DVL1: variants seen among roughly 807,000 people sequenced by gnomAD.
The protein encoded by DVL1 is dishevelled segment polarity protein 1.
A neutral mutation model predicts 65.0 loss-of-function variants in DVL1; 49 were observed. The observed-to-expected ratio is 0.75, with a 90% confidence interval of 0.60 to 0.96. The LOEUF is 0.96. Among genes scored for constraint, DVL1 ranks in the 40% least tolerant of loss-of-function variants. The pLI is 0.00. For synonymous variants in DVL1, 608 were observed against 433.9 expected (o/e 1.40, Z -4.99); for missense variants, 1,197 against 1,045.4 (o/e 1.15, Z -2.00).
Position 1,339,403 on chromosome 1 carries a change from A to C in DVL1, c.1091T>G (p.Leu364Arg), listed in dbSNP as rs749293898. ...PVRPIDPAAW[L>R]SHTAALTGAL... is the part of the protein sequence containing the mutation. ...TCCTGTCAGTGCCGCCGTGTGGGAC[A>C]GCCAGGCGGCGGGGTCGATGGGCCG... The change falls in exon 11 of 15, where the codon CTG becomes CGG. Residue 364 changes from leucine to arginine, a missense_variant. Coordinates refer to ENST00000378888, the MANE Select transcript of DVL1 (RefSeq NM_001330311.2). 6 of 1,548,572 alleles carry C rather than the reference A, an allele frequency of 3.9e-6. No homozygotes were observed. Among genetic ancestry groups the C allele is most frequent in the Non-Finnish European group, 5.2e-6 (6 of 1,146,490 alleles).
chr1:1,339,032 G>T (rs1193493438), intron 11 of DVL1, among the ~76,000 whole-genome samples: 1 of 152,188 alleles, frequency 6.6e-6, no homozygotes, highest in Non-Finnish European at 1.5e-5. Flanking sequence ...CCTGGCCCCT[G>T]CCTCTGACGC....
Position 1,340,399 on chromosome 1 carries a change from C to G in DVL1, c.699+11G>C, listed in dbSNP as rs189762251. On this transcript the variant is annotated intron_variant, in intron 6 of 14. Coordinates refer to ENST00000378888, the MANE Select transcript of DVL1 (RefSeq NM_001330311.2). Reference sequence around the variant, plus strand: ...CTCCCCAGCCCCGCCCTGCTCCACCCGGCTGCCTACCCGGTCCGCCTGCCG... The same window carrying G: ...CTCCCCAGCCCCGCCCTGCTCCACCGGGCTGCCTACCCGGTCCGCCTGCCG... The G allele has an allele frequency of 5.6e-6, 9 of 1,611,340 alleles. No individual in the cohort carries two copies. Among genetic ancestry groups the G allele is most frequent in the East Asian group, 2.2e-5 (1 of 44,756 alleles).
chr1:1,340,444 C>T lies in DVL1; in HGVS notation c.665G>A (p.Arg222Gln), dbSNP rs143283367. 375 of 1,612,046 alleles carry T rather than the reference C, an allele frequency of 2.3e-4. No homozygotes were observed. The highest frequency in any genetic ancestry group is 3.0e-4 in the Non-Finnish European group (358 of 1,179,362). The change falls in exon 6 of 15, where the codon CGG (arginine) becomes CAG (glutamine). Residue 222 changes from arginine (R) to glutamine (Q), a missense_variant. Arg to Gln is a conservative substitution (Grantham distance 43, BLOSUM62 1). Transcript: ENST00000378888. ...CTGCCGAAGGCGCTGCTTCCTCCGC[C>T]GGCGTTTGTGCTTCCGGATGAGTCT... Reference protein sequence around the residue: ...SSRLIRKHKRRRRKQRLRQAD... With the variant: ...SSRLIRKHKRQRRKQRLRQAD...
In DVL1 at chr1:1,342,355, G is replaced by A. The variant is rs140992194; in HGVS notation, c.362+8C>T. 8,014 of 1,569,592 alleles carry A rather than the reference G, an allele frequency of 5.1e-3. 333 individuals carry two copies. In the Admixed American group the frequency reaches 0.094, roughly 18 times the overall value. On this transcript the variant is annotated splice_region_variant and intron_variant, in intron 3 of 14. Transcript: ENST00000378888. Reference sequence around the variant, plus strand: ...GGTAGCAGGGCCCAGCGCCCACGGTGTCCTTACTGGAAGGAGGGGGGCCGG... The same window carrying A: ...GGTAGCAGGGCCCAGCGCCCACGGTATCCTTACTGGAAGGAGGGGGGCCGG...
intron 14 of DVL1, chr1:1,336,911 G>A (rs928118397): frequency 7.2e-6 from 6 of 832,378 alleles, no homozygotes; most frequent in African/African-American, 3.7e-5. Flanking sequence ...CCTGGCCGAC[G>A]GATGACTCAG....
chr1:1,341,811 G>A lies in DVL1; in HGVS notation c.467-6C>T. The A allele has an allele frequency of 6.4e-7, 1 of 1,572,218 alleles. No homozygotes were observed. The highest frequency in any genetic ancestry group is 8.7e-7 in the Non-Finnish European group (1 of 1,153,936). ...GTGCCCATTGGTCCGGGCGGCTGTG[G>A]GGGCAGCAGGTTGGGAACTGACTGC... On this transcript the variant is annotated splice_polypyrimidine_tract_variant and splice_region_variant and intron_variant, in intron 4 of 14. Coordinates refer to ENST00000378888, the MANE Select transcript of DVL1 (RefSeq NM_001330311.2).
chr1:1,336,113 T>A lies in DVL1; in HGVS notation c.*29A>T. On this transcript the variant is annotated 3_prime_UTR_variant, in exon 15 of 15. Coordinates refer to ENST00000378888, the MANE Select transcript of DVL1 (RefSeq NM_001330311.2). Reference sequence around the variant, plus strand: ...GCGGCAGGACCGCCAGCTCCCCACCTCAGGCAGGGCTGGGGCATGCGCCAC... The same window carrying A: ...GCGGCAGGACCGCCAGCTCCCCACCACAGGCAGGGCTGGGGCATGCGCCAC... 1 of 1,563,970 alleles carries A rather than the reference T, an allele frequency of 6.4e-7. No individual in the cohort carries two copies. Among genetic ancestry groups the A allele is most frequent in the Non-Finnish European group, 8.6e-7 (1 of 1,161,886 alleles).
At position 1,340,399 on chromosome 1, in the gene DVL1, C is replaced by A. The variant is rs189762251; in HGVS notation, c.699+11G>T. On this transcript the variant is annotated intron_variant, in intron 6 of 14. Transcript: ENST00000378888. ...CTCCCCAGCCCCGCCCTGCTCCACCCGGCTGCCTACCCGGTCCGCCTGCCG... is the reference window on the plus strand; with the variant it reads ...CTCCCCAGCCCCGCCCTGCTCCACCAGGCTGCCTACCCGGTCCGCCTGCCG... The A allele has an allele frequency of 4.5e-3, 7,219 of 1,611,340 alleles. 31 individuals carry two copies. Among genetic ancestry groups the A allele is most frequent in the Non-Finnish European group, 5.7e-3 (6,688 of 1,179,194 alleles).
chr1:1,347,251 C>T (rs952493555), intron 1 of DVL1, among the ~76,000 whole-genome samples: 1 of 152,156 alleles, frequency 6.6e-6, no homozygotes, highest in African/African-American at 2.4e-5. Flanking sequence ...TGTAAGTCTG[C>T]AGCCTCCAAA....
In DVL1 at chr1:1,340,122, G is replaced by T; in HGVS notation, c.825C>A (p.Asp275Glu). 9 of 1,613,316 alleles carry T rather than the reference G, an allele frequency of 5.6e-6. No homozygotes were observed. Among genetic ancestry groups the T allele is most frequent in the Non-Finnish European group, 5.9e-6 (7 of 1,179,936 alleles). The change falls in exon 8 of 15, where the codon GAC becomes GAA. Residue 275 changes from aspartate to glutamate, a missense_variant. Physicochemically the swap from Asp to Glu is conservative, Grantham distance 45. Transcript: ENST00000378888. ...TGATGGAGCCAATGTAGATGCCGCC[G>T]TCTCCACGGTCGTTGCTCTGCCCCA... ...SIVGQSNDRG[D>E]GGIYIGSIMK...
rs769881531 is a variant in DVL1 at position 1,338,227 on chromosome 1, G to A, written c.1507+42C>T. 3.8e-6 allele frequency: 6 copies of A among 1,588,366 alleles called. No homozygotes were observed. The African/African-American group carries it at 4.0e-5, about 11-fold the overall frequency. ...TGAGGGCCGCGGAGGGGCCTCCGGCGTTCCCCTCCCCCCCGCCCTGAAGCC... is the reference window on the plus strand; with the variant it reads ...TGAGGGCCGCGGAGGGGCCTCCGGCATTCCCCTCCCCCCCGCCCTGAAGCC... On this transcript the variant is annotated intron_variant, in intron 13 of 14. Transcript: ENST00000378888.
chr1:1,338,229 T>TGCCCCC, intron 13 of DVL1, 40 bp downstream of exon 13: 14 of 1,522,274 alleles, frequency 9.2e-6, no homozygotes, highest in Non-Finnish European at 1.2e-5. Context: ...CCTCCGGCGT[T>TGCCCCC]CCCCTCCCCC....
intron 1 of DVL1, among the ~76,000 whole-genome samples, chr1:1,346,090 C>A (rs896353288): frequency 6.6e-6 from 1 of 152,168 alleles, no homozygotes; most frequent in African/African-American, 2.4e-5. Context: ...CACAGAGAGG[C>A]TGAGTCACAG....
chr1:1,348,108 C>T (rs1643947006), intron 1 of DVL1, among the ~76,000 whole-genome samples: 1 of 152,328 alleles, frequency 6.6e-6, no homozygotes, highest in Admixed American at 6.5e-5. Flanking sequence ...GGACTAGGGA[C>T]TCAGGTTACT....
chr1:1,338,674 C>A, intron 11 of DVL1, 21 bp from the exon 12 acceptor site: 1 of 1,602,074 alleles, frequency 6.2e-7, no homozygotes, highest in East Asian at 2.2e-5. Flanking sequence ...CAGACAGCCC[C>A]GCTTCAGCCC....
At position 1,340,133 on chromosome 1, in the gene DVL1, CGTT is replaced by C. The variant is rs770209968; in HGVS notation, c.811_813del (p.Asn271del). On this transcript the variant is annotated inframe_deletion, in exon 8 of 15. Coordinates refer to ENST00000378888, the MANE Select transcript of DVL1 (RefSeq NM_001330311.2). ...ATGTAGATGCCGCCGTCTCCACGGT[CGTT>C]GCTCTGCCCCACGATGCTGATGCCC... The C allele has an allele frequency of 6.2e-7, 1 of 1,613,604 alleles. No homozygotes were observed. The highest frequency in any genetic ancestry group is 8.5e-7 in the Non-Finnish European group (1 of 1,179,978).
At chr1:1,338,904 C>T (rs947260294) in intron 11 of DVL1, among the ~76,000 whole-genome samples, 1 of 152,208 alleles carries the variant, frequency 6.6e-6, no homozygotes, top group East Asian at 1.9e-4. Context: ...ACTGGGCTGA[C>T]ACCCCACCCT....
In DVL1 at chr1:1,336,300, G is replaced by A; in HGVS notation, c.1930C>T (p.Pro644Ser). The change falls in exon 15 of 15, where the codon CCC (proline) becomes TCC (serine). Residue 644 changes from proline to serine, a missense_variant. Transcript: ENST00000378888. ...GTATAGGCCTTGGTCGTGGGGTGGG[G>A]CGGGGGGAGCCCCGGGGCGGTAGCC... ...ASATAPGLPP[P>S]HPTTKAYTVV... 6.4e-7 allele frequency: 1 copy of A among 1,563,366 alleles called. No homozygotes were observed. Among genetic ancestry groups the A allele is most frequent in the East Asian group, 2.3e-5 (1 of 43,280 alleles).
At chr1:1,347,743 C>T (rs1487880778) in intron 1 of DVL1, among the ~76,000 whole-genome samples, 2 of 152,226 alleles carry the variant, frequency 1.3e-5, no homozygotes, top group African/African-American at 4.8e-5. Flanking sequence ...GAAAACAAAC[C>T]GCCCCCTCCT....
Sources: gnomAD v4.1 joint callset for allele counts (sites outside exome capture counted in the v4.1 genomes callset) on GRCh38, gnomAD v4.1.1 for gene constraint, MANE v1.5 for transcripts, NCBI Gene and HGNC (gene_info 2026-07-23, HGNC 2026-07-21) for gene names.